The following RALGPS1 variants were observed in gnomAD, a reference collection of about 807,000 sequenced individuals.
RALGPS1 encodes ras-specific guanine nucleotide-releasing factor RalGPS1.
In RALGPS1, 19 loss-of-function variants were observed where a neutral mutation model predicts 78.8. That is an observed-to-expected ratio of 0.24 (90% CI 0.17 to 0.35). The LOEUF is 0.35. Among genes scored for constraint, RALGPS1 ranks in the 10% least tolerant of loss-of-function variants. The pLI is 1.00. For synonymous variants in RALGPS1, 228 were observed against 256.3 expected (o/e 0.89, Z 1.06); for missense variants, 454 against 688.3 (o/e 0.66, Z 3.81).
chr9:127,202,896 A>AGGCGGCCGCAGGGC lies in RALGPS1; in HGVS notation c.1247+3831_1247+3844dup, dbSNP rs1421112102. On this transcript the variant is annotated intron_variant, in intron 14 of 18. Transcript: ENST00000259351. ...ACTCTGCTCTCCCAGGGAGGTGGGGAGGCGGCCGCAGGGCAGCGGCCGCAG... is the reference window on the plus strand; with the variant it reads ...ACTCTGCTCTCCCAGGGAGGTGGGGAGGCGGCCGCAGGGCGGCGGCCGCAGGGCAGCGGCCGCAG... Among the ~76,000 whole-genome samples, 118 of 151,896 alleles carry AGGCGGCCGCAGGGC rather than the reference A, an allele frequency of 7.8e-4. 2 individuals are homozygous for AGGCGGCCGCAGGGC. The highest frequency in any genetic ancestry group is 2.9e-3 in the African/African-American group (118 of 41,292).
chr9:127,202,991 T>C (rs955812660), intron 14 of RALGPS1, among the ~76,000 whole-genome samples: 5 of 152,172 alleles, frequency 3.3e-5, no homozygotes, highest in Non-Finnish European at 7.3e-5. Context: ...TCGGGCCCCT[T>C]GGAAACCAAC....
intron 1 of RALGPS1, among the ~76,000 whole-genome samples, chr9:126,923,797 G>A (rs1406545096): frequency 6.6e-6 from 1 of 152,186 alleles, no homozygotes; most frequent in Admixed American, 6.5e-5. Context: ...AGCCTCCCAA[G>A]TAGCTCCCAA....
At chr9:127,190,848 TAAG>T (rs903789111) in intron 11 of RALGPS1, among the ~76,000 whole-genome samples, 2 of 152,252 alleles carry the variant, frequency 1.3e-5, no homozygotes, top group African/African-American at 4.8e-5. Context: ...CACCTTCATA[TAAG>T]CCCCAAACTA....
chr9:127,112,399 G>A (rs1335090468), intron 8 of RALGPS1, among the ~76,000 whole-genome samples: 1 of 152,242 alleles, frequency 6.6e-6, no homozygotes, highest in Non-Finnish European at 1.5e-5. Context: ...CTGCTCACCT[G>A]AGGCAGTGGG....
chr9:127,150,318 A>C (rs2058346450), intron 8 of RALGPS1, among the ~76,000 whole-genome samples: 1 of 152,162 alleles, frequency 6.6e-6, no homozygotes, highest in African/African-American at 2.4e-5. Flanking sequence ...CGGGGTCACC[A>C]GGGGCCAGAT....
At chr9:127,114,333 A>T (rs550193960) in intron 8 of RALGPS1, among the ~76,000 whole-genome samples, 1 of 152,334 alleles carries the variant, frequency 6.6e-6, no homozygotes, top group East Asian at 1.9e-4. Flanking sequence ...AGATTTGAGG[A>T]TCGTGAGTCA....
intron 1 of RALGPS1, among the ~76,000 whole-genome samples, chr9:126,939,681 A>T (rs761327409): frequency 8.5e-5 from 13 of 152,240 alleles, no homozygotes; most frequent in African/African-American, 2.9e-4. Flanking sequence ...GGACAGTTGG[A>T]CTTCCAAGTC....
At chr9:127,174,984 C>G (rs1207552583) in intron 11 of RALGPS1, among the ~76,000 whole-genome samples, 2 of 152,206 alleles carry the variant, frequency 1.3e-5, no homozygotes, top group Non-Finnish European at 2.9e-5. Flanking sequence ...TGTGCCGGGG[C>G]TCCCTGGAAG....
chr9:127,009,593 G>A (rs967166216), intron 4 of RALGPS1, among the ~76,000 whole-genome samples: 14 of 152,202 alleles, frequency 9.2e-5, no homozygotes, highest in South Asian at 6.2e-4. Flanking sequence ...GAAATCTACT[G>A]AAGGGGTTGT....
chr9:127,066,675 T>A (rs942660482), intron 7 of RALGPS1, among the ~76,000 whole-genome samples: 1 of 152,150 alleles, frequency 6.6e-6, no homozygotes, highest in Non-Finnish European at 1.5e-5. Flanking sequence ...ACAATGGAGC[T>A]GTTTTCCAGT....
intron 11 of RALGPS1, among the ~76,000 whole-genome samples, chr9:127,192,354 A>G (rs1450021552): frequency 6.6e-6 from 1 of 152,246 alleles, no homozygotes; most frequent in Non-Finnish European, 1.5e-5. Context: ...TGGGCAACCC[A>G]CAGTGCCTCC....
intron 5 of RALGPS1, among the ~76,000 whole-genome samples, chr9:127,042,635 T>C (rs2047418126): frequency 6.6e-6 from 1 of 152,216 alleles, no homozygotes; most frequent in Admixed American, 6.5e-5. Flanking sequence ...CTCTTATCCG[T>C]TCTGTACAAC....
At position 127,037,919 on chromosome 9, in the gene RALGPS1, G is replaced by A. The variant is rs182767556; in HGVS notation, c.300+3405G>A. ...CTATGGAGGAGAGGCGGTAGGCCTA[G>A]GCCACATGGACTGAGAATGGAGAAG... On this transcript the variant is annotated intron_variant, in intron 5 of 18. Coordinates refer to ENST00000259351, the MANE Select transcript of RALGPS1 (RefSeq NM_014636.3). Among the ~76,000 whole-genome samples the A allele has an allele frequency of 9.8e-5, 15 of 152,346 alleles. No homozygotes were observed. In the East Asian group the frequency reaches 2.9e-3, roughly 29 times the overall value.
intron 4 of RALGPS1, among the ~76,000 whole-genome samples, chr9:127,015,753 G>A (rs2044755269): frequency 1.3e-5 from 2 of 151,988 alleles, no homozygotes; most frequent in African/African-American, 4.8e-5. Context: ...AAAACATGTG[G>A]GACACTTCAT....
chr9:126,967,646 C>T (rs985966233), intron 3 of RALGPS1, among the ~76,000 whole-genome samples: 1 of 152,152 alleles, frequency 6.6e-6, no homozygotes, highest in Non-Finnish European at 1.5e-5. Flanking sequence ...AAGTGATCCT[C>T]CTGCCTCAGC....
intron 8 of RALGPS1, among the ~76,000 whole-genome samples, chr9:127,115,610 C>A (rs1766227): frequency 0.024 from 3,720 of 152,350 alleles, 54 homozygotes; most frequent in Middle Eastern, 0.048. Flanking sequence ...ACTGCTAGGT[C>A]CAAACCCTGC....
Position 127,089,428 on chromosome 9 carries a change from G to A in RALGPS1, c.610+20072G>A, listed in dbSNP as rs115830314. On this transcript the variant is annotated intron_variant, in intron 8 of 18. Transcript: ENST00000259351. ...AAAATGACGCCTGCCGCACAGGGCG[G>A]CTCTGAGGATTGAATGAGGATGCGT... 4.6e-3 allele frequency among the ~76,000 whole-genome samples: 705 copies of A among 152,332 alleles called. 6 individuals are homozygous for A. The highest frequency in any genetic ancestry group is 0.016 in the African/African-American group (675 of 41,574).
At chr9:127,134,626 A>G (rs908997044) in intron 8 of RALGPS1, among the ~76,000 whole-genome samples, 4 of 152,168 alleles carry the variant, frequency 2.6e-5, no homozygotes, top group Non-Finnish European at 5.9e-5. Context: ...AAAGAGAAAA[A>G]TCTTGCCAGG....
intron 8 of RALGPS1, chr9:127,108,671 C>G (rs773160477): frequency 6.8e-6 from 11 of 1,613,454 alleles, no homozygotes; most frequent in Non-Finnish European, 8.5e-6. Flanking sequence ...TCCTGGCCTG[C>G]AACAGCTCCC....
Sources: gnomAD v4.1 joint callset for allele counts (sites outside exome capture counted in the v4.1 genomes callset) on GRCh38, gnomAD v4.1.1 for gene constraint, MANE v1.5 for transcripts, NCBI Gene and HGNC (gene_info 2026-07-23, HGNC 2026-07-21) for gene names.